FREM1: variants seen among roughly 807,000 people sequenced by gnomAD.
FREM1 encodes FRAS1-related extracellular matrix protein 1.
In FREM1, 220 loss-of-function variants were observed where a neutral mutation model predicts 210.1. That is an observed-to-expected ratio of 1.05 (90% CI 0.94 to 1.17). The LOEUF is 1.17. Ranked by LOEUF, FREM1 falls within the 50% of genes most tolerant of loss-of-function variation. The pLI, the probability that FREM1 is intolerant of heterozygous loss-of-function variation, is 0.00. For missense variants in FREM1, 3,454 were observed against 2,675.5 expected, an observed-to-expected ratio of 1.29 and a Z score of -6.42; for synonymous variants, 1,189 against 980.2, an observed-to-expected ratio of 1.21 and a Z score of -3.98.
At position 14,859,594 on chromosome 9, in the gene FREM1, G is replaced by T. The variant is rs148660009; in HGVS notation, c.330-110C>A. ...TGGCCTTCACCAAATTTGTGCCACA[G>T]ATTGAGTTTGGATTTCATTTCTTGC... On this transcript the variant is annotated intron_variant, in intron 3 of 36. Coordinates refer to ENST00000380880, the MANE Select transcript of FREM1 (RefSeq NM_001379081.2). 4.4e-3 allele frequency: 3,813 copies of T among 863,168 alleles called. 17 individuals carry two copies. The highest frequency in any genetic ancestry group is 7.1e-3 in the Middle Eastern group (20 of 2,816). 53.5% of individuals were successfully genotyped at this position (863,168 alleles called of 1,614,324 possible).
intron 25 of FREM1, among the ~76,000 whole-genome samples, chr9:14,773,074 A>G (rs1286728875): frequency 2.0e-5 from 3 of 152,222 alleles, no homozygotes; most frequent in African/African-American, 7.2e-5. Context: ...GTATCCCAGA[A>G]GCATTTTTAA....
chr9:14,772,132 T>C (rs10961697), intron 25 of FREM1, among the ~76,000 whole-genome samples: 20,207 of 151,918 alleles, frequency 0.13, 1,440 homozygotes, highest in Non-Finnish European at 0.16. Flanking sequence ...TAATTATAAC[T>C]CATGATGATA....
At chr9:14,763,385 A>G (rs1249534851) in intron 27 of FREM1, among the ~76,000 whole-genome samples, 1 of 152,194 alleles carries the variant, frequency 6.6e-6, no homozygotes, top group African/African-American at 2.4e-5. Context: ...ATGCGGTTTT[A>G]ATGTGTTCAT....
At chr9:14,830,299 A>C (rs1375058151) in intron 10 of FREM1, among the ~76,000 whole-genome samples, 1 of 152,116 alleles carries the variant, frequency 6.6e-6, no homozygotes, top group East Asian at 1.9e-4. Flanking sequence ...CTGATTTATC[A>C]CTTCATATTC....
chr9:14,747,826 A>G (rs192549106), intron 31 of FREM1, 98 bp from the exon 32 acceptor site: 9 of 654,140 alleles, frequency 1.4e-5, no homozygotes, highest in Middle Eastern at 2.5e-4. Context: ...ATGTCTGAAC[A>G]ATTACAAAAC....
In FREM1 at chr9:14,742,060, T is replaced by C. The variant is rs147866138; in HGVS notation, c.6255-1826A>G. On this transcript the variant is annotated intron_variant, in intron 35 of 36. Coordinates refer to ENST00000380880, the MANE Select transcript of FREM1 (RefSeq NM_001379081.2). ...AAAGAAACATTTAGGTATTCATATG[T>C]TTATTATTTTAGAAAAATATCACTC... 3.0e-3 allele frequency among the ~76,000 whole-genome samples: 454 copies of C among 152,330 alleles called. 3 individuals are homozygous for C. Among genetic ancestry groups the C allele is most frequent in the African/African-American group, 9.2e-3 (384 of 41,580 alleles).
chr9:14,821,651 G>A (rs1395103823), intron 13 of FREM1, among the ~76,000 whole-genome samples: 1 of 152,212 alleles, frequency 6.6e-6, no homozygotes, highest in East Asian at 1.9e-4. Flanking sequence ...TCCTCCGTGT[G>A]AGCCCTTTGG....
chr9:14,834,221 G>T (rs1324919917), intron 10 of FREM1, among the ~76,000 whole-genome samples: 1 of 152,198 alleles, frequency 6.6e-6, no homozygotes, highest in Admixed American at 6.5e-5. Flanking sequence ...ACTGAGGGAT[G>T]AGACTCCCAT....
chr9:14,837,951 A>T (rs979031969), intron 10 of FREM1, among the ~76,000 whole-genome samples: 1 of 152,194 alleles, frequency 6.6e-6, no homozygotes, highest in African/African-American at 2.4e-5. Flanking sequence ...AGTGATCCAG[A>T]TAGCACTTCA....
intron 24 of FREM1, among the ~76,000 whole-genome samples, chr9:14,781,373 TA>T (rs1849622771): frequency 6.6e-6 from 1 of 152,222 alleles, no homozygotes; most frequent in African/African-American, 2.4e-5. Context: ...ATTTTCTCCC[TA>T]AAACCTTGTT....
intron 27 of FREM1, among the ~76,000 whole-genome samples, chr9:14,766,452 T>C (rs1846423309): frequency 6.6e-6 from 1 of 152,032 alleles, no homozygotes; most frequent in Non-Finnish European, 1.5e-5. Context: ...TCTGAGAGAT[T>C]CCCAATCCAC....
At chr9:14,870,350 T>G (rs191397323) in intron 1 of FREM1, among the ~76,000 whole-genome samples, 1 of 152,324 alleles carries the variant, frequency 6.6e-6, no homozygotes, top group East Asian at 1.9e-4. Flanking sequence ...AGCAGCCTGT[T>G]TTTTATGGTA....
chr9:14,792,998 C>A, intron 21 of FREM1, 114 bp from the exon 22 acceptor site: 1 of 656,540 alleles, frequency 1.5e-6, no homozygotes, highest in Non-Finnish European at 2.5e-6. Flanking sequence ...GAATGACATT[C>A]AATATTCAAA....
chr9:14,747,571 A>C lies in FREM1; in HGVS notation c.5844+110T>G. ...TGAACACCCAAGCCTCTAATTTCAA[A>C]ACAATTTTTTAAGAGAAATGTATAA... On this transcript the variant is annotated intron_variant, in intron 32 of 36. Coordinates refer to ENST00000380880, the MANE Select transcript of FREM1 (RefSeq NM_001379081.2). 5.7e-6 allele frequency: 6 copies of C among 1,056,114 alleles called. No homozygotes were observed. In the East Asian group the frequency reaches 1.7e-4, roughly 29 times the overall value. The allele number at this position is 1,056,114 out of a possible 1,614,324, so 65.4% of individuals were successfully genotyped here.
At chr9:14,747,079 T>C in intron 33 of FREM1, 28 bp from the exon 34 acceptor site, 1 of 1,612,668 alleles carries the variant, frequency 6.2e-7, no homozygotes, top group Non-Finnish European at 8.5e-7. Context: ...AATTTAGCAA[T>C]TTAGAATTGA....
At chr9:14,791,330 C>T in intron 22 of FREM1, among the ~76,000 whole-genome samples, 1 of 152,278 alleles carries the variant, frequency 6.6e-6, no homozygotes, top group East Asian at 1.9e-4. Flanking sequence ...CCCAGGTGAC[C>T]TACCCCTAGA....
intron 20 of FREM1, among the ~76,000 whole-genome samples, chr9:14,801,309 T>C (rs1485742423): frequency 2.0e-5 from 3 of 152,244 alleles, no homozygotes; most frequent in African/African-American, 7.2e-5. Flanking sequence ...CGCTGTGGAA[T>C]GGTTAAGTCA....
Position 14,881,345 on chromosome 9 carries a change from A to G in FREM1, c.-267-12101T>C, listed in dbSNP as rs16932388. On this transcript the variant is annotated intron_variant, in intron 1 of 36. Coordinates refer to ENST00000380880, the MANE Select transcript of FREM1 (RefSeq NM_001379081.2). Reference sequence around the variant, plus strand: ...TGTAATTGATCATAGCTCAGTTACTATCCCACACTTTTACAGCCAATCTGG... The same window carrying G: ...TGTAATTGATCATAGCTCAGTTACTGTCCCACACTTTTACAGCCAATCTGG... 0.022 allele frequency among the ~76,000 whole-genome samples: 3,290 copies of G among 152,292 alleles called. 340 individuals carry two copies. In the East Asian group the frequency reaches 0.33, roughly 15 times the overall value.
intron 3 of FREM1, 72 bp downstream of exon 3, chr9:14,863,737 A>G: frequency 1.1e-6 from 1 of 886,280 alleles, no homozygotes; most frequent in South Asian, 1.5e-5. Context: ...ATACATATCC[A>G]CAAGAAAAGC....
Sources: gnomAD v4.1 joint callset for allele counts (sites outside exome capture counted in the v4.1 genomes callset) on GRCh38, gnomAD v4.1.1 for gene constraint, MANE v1.5 for transcripts, NCBI Gene and HGNC (gene_info 2026-07-23, HGNC 2026-07-21) for gene names.